EPB41L4B: variants seen among roughly 807,000 people sequenced by gnomAD.
EPB41L4B encodes the protein erythrocyte membrane protein band 4.1 like 4B, also known as band 4.1-like protein 4B.
Under a neutral mutation model 112.5 loss-of-function variants are expected in EPB41L4B, and 30 were observed. The ratio of observed to expected loss-of-function variants is 0.27; its 90% CI spans 0.20 to 0.36. The LOEUF (loss-of-function observed/expected upper bound fraction) is 0.36. EPB41L4B is among the 10% of genes least tolerant of loss of function. The pLI, the probability that EPB41L4B is intolerant of heterozygous loss-of-function variation, is 1.00. For missense variants in EPB41L4B, 1,024 were observed against 1,133.3 expected (o/e 0.90, Z 1.38); for synonymous variants, 408 against 439.7 (o/e 0.93, Z 0.90).
chr9:109,301,346 A>T (rs978404651), intron 1 of EPB41L4B, among the ~76,000 whole-genome samples: 1 of 152,072 alleles, frequency 6.6e-6, no homozygotes. Context: ...CCCACCATTA[A>T]TTTTTTTATA....
At chr9:109,211,414 G>A (rs985046783) in intron 17 of EPB41L4B, among the ~76,000 whole-genome samples, 3 of 151,900 alleles carry the variant, frequency 2.0e-5, no homozygotes, top group African/African-American at 4.8e-5. Context: ...GACCAACATG[G>A]TGAAATCCCA....
chr9:109,230,966 G>C (rs1293059312), intron 15 of EPB41L4B, among the ~76,000 whole-genome samples: 1 of 152,004 alleles, frequency 6.6e-6, no homozygotes, highest in Admixed American at 6.6e-5. Context: ...GACCAGCCTG[G>C]CCAACAATCA....
In EPB41L4B at chr9:109,182,719, A is replaced by C. The variant is rs752643771; in HGVS notation, c.2487+10T>G. On this transcript the variant is annotated intron_variant, in intron 24 of 25. Coordinates refer to ENST00000374566, the MANE Select transcript of EPB41L4B (RefSeq NM_019114.5). ...TTTAAAATGCACATCTGTTTTCTGG[A>C]TCTACTTACAGTAAACTGTGGCCCT... 1.9e-6 allele frequency: 3 copies of C among 1,602,218 alleles called. 1 individual carries two copies. The highest frequency in any genetic ancestry group is 1.1e-5 in the South Asian group (1 of 90,806).
chr9:109,189,007 T>G (rs1044312742), intron 22 of EPB41L4B, among the ~76,000 whole-genome samples: 3 of 152,134 alleles, frequency 2.0e-5, no homozygotes, highest in African/African-American at 4.8e-5. Context: ...AATGCATCAA[T>G]GTACCCTCCC....
At chr9:109,212,980 T>C (rs916234647) in intron 17 of EPB41L4B, among the ~76,000 whole-genome samples, 2 of 152,196 alleles carry the variant, frequency 1.3e-5, no homozygotes, top group African/African-American at 4.8e-5. Context: ...AGGAAGCATG[T>C]TGGAGTGCCA....
At chr9:109,241,753 C>T in intron 15 of EPB41L4B, 1 of 1,614,176 alleles carries the variant, frequency 6.2e-7, no homozygotes, top group South Asian at 1.1e-5. Context: ...ATCAAAATGG[C>T]TGTCATCTCC....
In EPB41L4B at chr9:109,176,547, C is replaced by T. The variant is rs1564244524; in HGVS notation, c.2633+4G>A. 2.5e-6 allele frequency: 4 copies of T among 1,605,162 alleles called. No homozygotes were observed. In the African/African-American group the frequency reaches 5.4e-5, roughly 21 times the overall value. On this transcript the variant is annotated splice_donor_region_variant and intron_variant, in intron 25 of 25. Coordinates refer to ENST00000374566, the MANE Select transcript of EPB41L4B (RefSeq NM_019114.5). ...ACCTGTCGGAACCTGCTGACCTGAC[C>T]TACCTGGCTGCCAGAGAAACAGGTT...
At chr9:109,212,031 G>A (rs1035959506) in intron 17 of EPB41L4B, among the ~76,000 whole-genome samples, 2 of 152,014 alleles carry the variant, frequency 1.3e-5, no homozygotes, top group African/African-American at 2.4e-5. Flanking sequence ...ATTTCTTTGA[G>A]TGGAGGAGAT....
chr9:109,222,439 T>G (rs886758102), intron 15 of EPB41L4B, among the ~76,000 whole-genome samples: 1 of 152,172 alleles, frequency 6.6e-6, no homozygotes, highest in Non-Finnish European at 1.5e-5. Context: ...CCTGCGGAAC[T>G]CCTGGAGATG....
chr9:109,197,477 C>T (rs1394543683), intron 20 of EPB41L4B, among the ~76,000 whole-genome samples: 2 of 151,786 alleles, frequency 1.3e-5, no homozygotes, highest in East Asian at 3.9e-4. Context: ...CGGTAGCCAG[C>T]GTCAAGGATT....
intron 19 of EPB41L4B, among the ~76,000 whole-genome samples, chr9:109,203,447 T>C (rs1176597116): frequency 6.6e-6 from 1 of 152,238 alleles, no homozygotes; most frequent in Non-Finnish European, 1.5e-5. Context: ...TCTTTGTTAA[T>C]GCAGCAGGCA....
chr9:109,241,452 C>A, intron 15 of EPB41L4B: 17 of 1,327,566 alleles, frequency 1.3e-5, no homozygotes, highest in Non-Finnish European at 1.6e-5. Flanking sequence ...TGAGCCTTTA[C>A]CTTCATTTTA....
At chr9:109,228,090 T>C (rs908534187) in intron 15 of EPB41L4B, among the ~76,000 whole-genome samples, 3 of 152,222 alleles carry the variant, frequency 2.0e-5, no homozygotes, top group Admixed American at 6.5e-5. Flanking sequence ...TCCAGAATAA[T>C]ATTGAATATC....
At position 109,218,127 on chromosome 9, in the gene EPB41L4B, T is replaced by A. The variant is rs1381636486; in HGVS notation, c.1410-982A>T. On this transcript the variant is annotated intron_variant, in intron 15 of 25. Transcript: ENST00000374566. ...AATATATCTCTAATACTAATAATTCTTTTTTTTTTTTTTTTTTTGGCAGTG... is the reference window on the plus strand; with the variant it reads ...AATATATCTCTAATACTAATAATTCATTTTTTTTTTTTTTTTTTGGCAGTG... 2.8e-3 allele frequency among the ~76,000 whole-genome samples: 32 copies of A among 11,370 alleles called. No homozygotes were observed. In the South Asian group the frequency reaches 0.14, roughly 50 times the overall value. The allele number at this position is 11,370 out of a possible 152,430, so 7.5% of individuals were successfully genotyped here.
intron 1 of EPB41L4B, among the ~76,000 whole-genome samples, chr9:109,315,891 T>C: frequency 6.6e-6 from 1 of 151,974 alleles, no homozygotes; most frequent in East Asian, 1.9e-4. Context: ...CAATTTCCAC[T>C]AAAGAAGAGC....
intron 19 of EPB41L4B, 92 bp downstream of exon 19, chr9:109,203,568 ATTT>A: frequency 9.7e-7 from 1 of 1,035,298 alleles, no homozygotes; most frequent in South Asian, 1.5e-5. Flanking sequence ...TTGTCCTCTG[ATTT>A]TATCAGCTAA....
chr9:109,315,922 T>C (rs1200961035), intron 1 of EPB41L4B, among the ~76,000 whole-genome samples: 1 of 152,134 alleles, frequency 6.6e-6, no homozygotes, highest in East Asian at 1.9e-4. Context: ...TTAGCCTGCC[T>C]GGCACAGCAT....
chr9:109,265,652 G>A (rs544248022), intron 4 of EPB41L4B, among the ~76,000 whole-genome samples: 138 of 152,250 alleles, frequency 9.1e-4, no homozygotes, highest in Non-Finnish European at 1.5e-3. Context: ...CAAATAACAC[G>A]CATGGGGTTT....
rs181691761 is a variant in EPB41L4B at position 109,311,264 on chromosome 9, G to A, written c.306+8877C>T. On this transcript the variant is annotated intron_variant, in intron 1 of 25. Transcript: ENST00000374566. ...ATTCAGGGTAGGTGCAGCTCAGCAAGTGAACAGGTAGAGCAAAGGAGATGC... is the reference window on the plus strand; with the variant it reads ...ATTCAGGGTAGGTGCAGCTCAGCAAATGAACAGGTAGAGCAAAGGAGATGC... Among the ~76,000 whole-genome samples the A allele has an allele frequency of 5.8e-4, 88 of 152,328 alleles. 1 individual carries two copies. The highest frequency in any genetic ancestry group is 2.0e-3 in the African/African-American group (84 of 41,582).
Sources: gnomAD v4.1 joint callset for allele counts (sites outside exome capture counted in the v4.1 genomes callset) on GRCh38, gnomAD v4.1.1 for gene constraint, MANE v1.5 for transcripts, NCBI Gene and HGNC (gene_info 2026-07-23, HGNC 2026-07-21) for gene names.